The following ARHGAP26 variants were observed in gnomAD, a reference collection of about 807,000 sequenced individuals.
ARHGAP26 encodes rho GTPase-activating protein 26.
In ARHGAP26, 38 loss-of-function variants were observed where a neutral mutation model predicts 104.8. The ratio of observed to expected loss-of-function variants is 0.36; its 90% CI spans 0.28 to 0.48. The LOEUF (loss-of-function observed/expected upper bound fraction) is 0.48. ARHGAP26 is among the 20% of genes least tolerant of loss of function. The pLI is 0.99. For synonymous variants in ARHGAP26, 341 were observed against 340.0 expected (o/e 1.00, Z -0.03); for missense variants, 704 against 947.9 (o/e 0.74, Z 3.38).
chr5:143,012,576 T>TATATATATATATATATATACACATA, intron 11 of ARHGAP26, among the ~76,000 whole-genome samples: 1 of 57,044 alleles, frequency 1.8e-5, no homozygotes, highest in Non-Finnish European at 5.2e-5. Flanking sequence ...TATATATATA[T>TATATATATATATATATATACACATA]TATGATCAGG....
intron 17 of ARHGAP26, among the ~76,000 whole-genome samples, chr5:143,065,573 G>C (rs1217586056): frequency 6.6e-6 from 1 of 152,168 alleles, no homozygotes; most frequent in Non-Finnish European, 1.5e-5. Flanking sequence ...CTCTGCCTGA[G>C]TTTCCTAATC....
chr5:143,077,809 G>A (rs995571766), intron 17 of ARHGAP26, among the ~76,000 whole-genome samples: 30 of 152,124 alleles, frequency 2.0e-4, no homozygotes, highest in African/African-American at 6.8e-4. Flanking sequence ...ATAGCTATTC[G>A]GACCACCTAG....
At chr5:142,908,033 G>A (rs1389426427) in intron 9 of ARHGAP26, among the ~76,000 whole-genome samples, 1 of 152,150 alleles carries the variant, frequency 6.6e-6, no homozygotes, top group Admixed American at 6.5e-5. Flanking sequence ...CTGCAGTTAA[G>A]AAATATTTTT....
chr5:142,890,080 GAGCCGAATTCGCGCCATTGTACTCC>G (rs1758293594), intron 5 of ARHGAP26, among the ~76,000 whole-genome samples: 1 of 142,786 alleles, frequency 7.0e-6, no homozygotes, highest in African/African-American at 2.6e-5. Flanking sequence ...AGGTTGCGGT[GAGCCGAATTCGCGCCATTGTACTCC>G]AGCCTGGGTA....
chr5:142,967,925 G>A (rs1040111582), intron 11 of ARHGAP26, among the ~76,000 whole-genome samples: 1 of 152,176 alleles, frequency 6.6e-6, no homozygotes, highest in African/African-American at 2.4e-5. Flanking sequence ...TGGAGAGGTG[G>A]TCCTTGCTAC....
intron 1 of ARHGAP26, among the ~76,000 whole-genome samples, chr5:142,816,316 A>G (rs1765127884): frequency 6.6e-6 from 1 of 152,200 alleles, no homozygotes; most frequent in Non-Finnish European, 1.5e-5. Context: ...TGTGTTGATG[A>G]GTGAATGGAT....
intron 17 of ARHGAP26, among the ~76,000 whole-genome samples, chr5:143,097,809 G>A (rs557873571): frequency 7.4e-5 from 9 of 121,914 alleles, no homozygotes; most frequent in East Asian, 6.7e-4. Context: ...GTGACAGAAC[G>A]AGACTCCAAC....
Position 143,228,919 on chromosome 5 carries a change from T to C in ARHGAP26, c.*6473T>C. 5.3e-6 allele frequency: 1 copy of C among 188,166 alleles called. No individual in the cohort carries two copies. The highest frequency in any genetic ancestry group is 8.5e-5 in the East Asian group (1 of 11,768). The allele number at this position is 188,166 out of a possible 1,614,324, so 11.7% of individuals were successfully genotyped here. A position where few individuals can be genotyped will look rare whatever the true frequency, so the allele number is the denominator to read the frequency against. On this transcript the variant is annotated 3_prime_UTR_variant, in exon 23 of 23. Coordinates refer to ENST00000645722, the MANE Select transcript of ARHGAP26 (RefSeq NM_001135608.3). Reference sequence around the variant, plus strand: ...GTTCAGAGGCCTCTGAAACTTGGCTTTCTTACATGTGGTTGGTTTATGTGA... The same window carrying C: ...GTTCAGAGGCCTCTGAAACTTGGCTCTCTTACATGTGGTTGGTTTATGTGA...
At chr5:142,986,522 G>A (rs777696566) in intron 11 of ARHGAP26, among the ~76,000 whole-genome samples, 2 of 152,142 alleles carry the variant, frequency 1.3e-5, no homozygotes, top group Non-Finnish European at 2.9e-5. Flanking sequence ...GATCCCATTT[G>A]TCAATTTTGG....
intron 20 of ARHGAP26, among the ~76,000 whole-genome samples, chr5:143,199,143 A>G (rs766970877): frequency 6.6e-6 from 1 of 152,232 alleles, no homozygotes; most frequent in Non-Finnish European, 1.5e-5. Context: ...ATTATATTAG[A>G]TGAGGGGAAA....
intron 19 of ARHGAP26, among the ~76,000 whole-genome samples, chr5:143,140,356 A>C (rs1435407780): frequency 6.6e-6 from 1 of 152,170 alleles, no homozygotes; most frequent in African/African-American, 2.4e-5. Flanking sequence ...TGTCATCTCT[A>C]TCACCTACCA....
intron 11 of ARHGAP26, among the ~76,000 whole-genome samples, chr5:142,956,098 G>T (rs549894460): frequency 6.6e-6 from 1 of 152,184 alleles, no homozygotes; most frequent in Non-Finnish European, 1.5e-5. Context: ...GTGGGCCAAG[G>T]CATCCTTGTT....
At chr5:143,012,563 A>ATGTATATATATATATATATATATATG (rs1562259904) in intron 11 of ARHGAP26, among the ~76,000 whole-genome samples, 2 of 77,708 alleles carry the variant, frequency 2.6e-5, no homozygotes, top group South Asian at 3.2e-4. Context: ...ATATATATAT[A>ATGTATATATATATATATATATATATG]TATATATATA....
At chr5:142,958,110 AG>A (rs1472423847) in intron 11 of ARHGAP26, among the ~76,000 whole-genome samples, 6 of 152,220 alleles carry the variant, frequency 3.9e-5, no homozygotes, top group African/African-American at 1.4e-4. Context: ...CATTTTTGTC[AG>A]GGAGCATTTT....
At chr5:143,149,659 C>T (rs187556996) in intron 20 of ARHGAP26, among the ~76,000 whole-genome samples, 13 of 152,278 alleles carry the variant, frequency 8.5e-5, no homozygotes, top group South Asian at 2.1e-4. Flanking sequence ...TCACCTGAGA[C>T]GACTTGGGTC....
At chr5:143,057,823 T>A in intron 17 of ARHGAP26, 76 bp downstream of exon 17, 1 of 1,257,728 alleles carries the variant, frequency 8.0e-7, no homozygotes, top group Non-Finnish European at 1.2e-6. Flanking sequence ...TGGTCTCAGT[T>A]CTGCTTTTGT....
intron 17 of ARHGAP26, among the ~76,000 whole-genome samples, chr5:143,092,584 CT>C (rs533757985): frequency 1.2e-3 from 179 of 151,654 alleles, no homozygotes; most frequent in African/African-American, 3.8e-3. Context: ...GATAACCATG[CT>C]TTTCCAAAGT....
At chr5:142,873,835 T>G (rs1755685268) in intron 2 of ARHGAP26, among the ~76,000 whole-genome samples, 1 of 152,038 alleles carries the variant, frequency 6.6e-6, no homozygotes, top group South Asian at 2.1e-4. Context: ...AGAACACAGG[T>G]AGATGAGGGG....
chr5:142,896,325 GT>G (rs1020334415), intron 6 of ARHGAP26, among the ~76,000 whole-genome samples: 2 of 152,052 alleles, frequency 1.3e-5, no homozygotes, highest in Non-Finnish European at 2.9e-5. Flanking sequence ...CTTTTGATGA[GT>G]TTTTTTTGTA....
Sources: allele counts gnomAD v4.1 joint callset (sites outside exome capture counted in the v4.1 genomes callset), GRCh38; gene constraint gnomAD v4.1.1; transcripts MANE v1.5; gene names NCBI Gene and HGNC (gene_info 2026-07-23, HGNC 2026-07-21).